Variants in SLC16A7 observed in about 807,000 individuals in gnomAD.
SLC16A7 encodes the protein monocarboxylate transporter 2.
SLC16A7 carries 33 observed loss-of-function variants against 34.9 expected under a neutral mutation model. That is an observed-to-expected ratio of 0.94 (90% CI 0.72 to 1.26). The LOEUF is 1.26. Ranked by LOEUF, SLC16A7 falls within the 50% of genes most tolerant of loss-of-function variation. The pLI, the probability that SLC16A7 is intolerant of heterozygous loss-of-function variation, is 0.00. For synonymous variants in SLC16A7, 201 were observed against 206.6 expected (o/e 0.97, Z 0.23); for missense variants, 573 against 578.1 (o/e 0.99, Z 0.09).
At position 59,700,538 on chromosome 12, in the gene SLC16A7, CTT is replaced by C. The variant is rs113917744; in HGVS notation, c.-30-4232_-30-4231del. Among the ~76,000 whole-genome samples, 308 of 149,006 alleles carry C rather than the reference CTT, an allele frequency of 2.1e-3. 2 individuals are homozygous for C. Among genetic ancestry groups the C allele is most frequent in the South Asian group, 0.013 (62 of 4,746 alleles). ...AATTATTAAGAATTTAATTTTGACT[CTT>C]TGATCTATATATATTTTAGGTAATG... On this transcript the variant is annotated intron_variant, in intron 2 of 5. Transcript: ENST00000547379.
chr12:59,648,124 C>G (rs1868280212), intron 1 of SLC16A7, among the ~76,000 whole-genome samples: 1 of 152,016 alleles, frequency 6.6e-6, no homozygotes, highest in Non-Finnish European at 1.5e-5. Flanking sequence ...ATTTAGGGAA[C>G]TTAAGGTTAA....
At chr12:59,679,447 G>C (rs1331631706) in intron 2 of SLC16A7, among the ~76,000 whole-genome samples, 2 of 152,114 alleles carry the variant, frequency 1.3e-5, no homozygotes, top group African/African-American at 4.8e-5. Context: ...CACCCTACCT[G>C]AACTTATCCC....
chr12:59,734,234 C>T (rs998785021), intron 3 of SLC16A7: 1 of 179,484 alleles, frequency 5.6e-6, no homozygotes, highest in Non-Finnish European at 1.2e-5. Flanking sequence ...AGCTCCCCTG[C>T]CCCAGCCTCC....
chr12:59,660,139 C>T (rs1435723250), intron 2 of SLC16A7, among the ~76,000 whole-genome samples: 2 of 151,564 alleles, frequency 1.3e-5, no homozygotes, highest in African/African-American at 2.4e-5. Context: ...TAAAAAGAAT[C>T]CTTTAGATTT....
At chr12:59,727,207 A>G (rs1432188404) in intron 3 of SLC16A7, among the ~76,000 whole-genome samples, 1 of 150,502 alleles carries the variant, frequency 6.6e-6, no homozygotes, top group Non-Finnish European at 1.5e-5. Flanking sequence ...GTAAAACTAC[A>G]TATTCAGATA....
In SLC16A7 at chr12:59,779,442, T is replaced by G. The variant is rs1228372902; in HGVS notation, c.1200T>G (p.Thr400=). The part of the protein sequence containing the change: ...PPLAGKLVDL[T]GEYKYMYMSC... ...TTCTAGGTAAATTGGTGGATTTAAC[T>G]GGAGAATATAAATACATGTACATGT... The change falls in exon 6 of 6, where the codon ACT becomes ACG. Residue 400 remains threonine, a synonymous_variant. Coordinates refer to ENST00000547379, the MANE Select transcript of SLC16A7 (RefSeq NM_001270623.2). 1.3e-6 allele frequency: 2 copies of G among 1,597,156 alleles called. No individual in the cohort carries two copies. Among genetic ancestry groups the G allele is most frequent in the Non-Finnish European group, 1.7e-6 (2 of 1,170,466 alleles).
At chr12:59,634,908 G>A (rs901754197) in intron 1 of SLC16A7, among the ~76,000 whole-genome samples, 3 of 152,002 alleles carry the variant, frequency 2.0e-5, no homozygotes, top group Non-Finnish European at 4.4e-5. Flanking sequence ...GGATGGAAGG[G>A]TAGAATGCAA....
At chr12:59,628,688 G>A (rs778470337) in intron 1 of SLC16A7, among the ~76,000 whole-genome samples, 54 of 151,676 alleles carry the variant, frequency 3.6e-4, no homozygotes, top group African/African-American at 1.1e-3. Flanking sequence ...GTGTGTGTGC[G>A]CGTATTTTGT....
In SLC16A7 at chr12:59,656,418, C is replaced by T. The variant is rs545642530; in HGVS notation, c.-31+1168C>T. Among the ~76,000 whole-genome samples the T allele has an allele frequency of 5.9e-5, 9 of 152,006 alleles. No homozygotes were observed. In the East Asian group the frequency reaches 9.7e-4, roughly 16 times the overall value. On this transcript the variant is annotated intron_variant, in intron 2 of 5. Coordinates refer to ENST00000547379, the MANE Select transcript of SLC16A7 (RefSeq NM_001270623.2). ...GAGAGAAGGCAGCAGGAAAGATGCT[C>T]AGTCCAACCTTGACAGTTTGTTGAT...
At chr12:59,692,520 A>C (rs936749712) in intron 2 of SLC16A7, among the ~76,000 whole-genome samples, 2 of 151,958 alleles carry the variant, frequency 1.3e-5, no homozygotes, top group Admixed American at 6.6e-5. Context: ...TTTGAAGCAT[A>C]ATTTTTCTGA....
chr12:59,654,515 A>G (rs1868434492), intron 1 of SLC16A7, among the ~76,000 whole-genome samples: 1 of 151,896 alleles, frequency 6.6e-6, no homozygotes, highest in Non-Finnish European at 1.5e-5. Context: ...AGAACATACA[A>G]GAACTGATGA....
intron 1 of SLC16A7, among the ~76,000 whole-genome samples, chr12:59,634,220 C>T (rs1880316634): frequency 6.6e-6 from 1 of 152,002 alleles, no homozygotes; most frequent in Non-Finnish European, 1.5e-5. Flanking sequence ...GTGGTAGCAG[C>T]ATGCACACTG....
chr12:59,598,107 A>AG (rs1193156182), intron 1 of SLC16A7, among the ~76,000 whole-genome samples: 5 of 152,238 alleles, frequency 3.3e-5, no homozygotes, highest in African/African-American at 1.2e-4. Context: ...CTGAAATAAA[A>AG]GGCATCTCCA....
chr12:59,695,254 AATAG>A (rs1193017094), intron 2 of SLC16A7, among the ~76,000 whole-genome samples: 1 of 151,946 alleles, frequency 6.6e-6, no homozygotes, highest in Non-Finnish European at 1.5e-5. Context: ...TGCCAGAGGA[AATAG>A]ATAGAAAATA....
At chr12:59,653,121 C>T (rs1427902867) in intron 1 of SLC16A7, among the ~76,000 whole-genome samples, 1 of 151,700 alleles carries the variant, frequency 6.6e-6, no homozygotes, top group African/African-American at 2.4e-5. Flanking sequence ...CTCTTTAAGA[C>T]AAATGAAACT....
intron 5 of SLC16A7, among the ~76,000 whole-genome samples, chr12:59,776,997 G>A (rs1882823132): frequency 6.6e-6 from 1 of 152,006 alleles, no homozygotes; most frequent in African/African-American, 2.4e-5. Context: ...AATTCTTAGT[G>A]TAAACAGAGA....
chr12:59,660,997 A>G (rs1806893666), intron 2 of SLC16A7, among the ~76,000 whole-genome samples: 1 of 152,134 alleles, frequency 6.6e-6, no homozygotes. Context: ...CTATTCTACT[A>G]TAATTGGCAA....
rs191234880 is a variant in SLC16A7 at position 59,611,838 on chromosome 12, C to T, written c.-130+15602C>T. Among the ~76,000 whole-genome samples the T allele has an allele frequency of 6.8e-4, 103 of 152,334 alleles. 1 individual carries two copies. The highest frequency in any genetic ancestry group is 2.4e-3 in the African/African-American group (101 of 41,568). ...TAACCTTAAAGTTCCAAAATGATTT[C>T]CTTTGACTCCATGTCTCACATAGAG... On this transcript the variant is annotated intron_variant, in intron 1 of 5. Coordinates refer to ENST00000547379, the MANE Select transcript of SLC16A7 (RefSeq NM_001270623.2).
chr12:59,657,374 T>C (rs1285263239), intron 2 of SLC16A7, among the ~76,000 whole-genome samples: 1 of 152,024 alleles, frequency 6.6e-6, no homozygotes, highest in Non-Finnish European at 1.5e-5. Flanking sequence ...CTTATTGTTC[T>C]GTCTTAGCTG....
Sources: allele counts gnomAD v4.1 joint callset (sites outside exome capture counted in the v4.1 genomes callset), GRCh38; gene constraint gnomAD v4.1.1; transcripts MANE v1.5; gene names NCBI Gene and HGNC (gene_info 2026-07-23, HGNC 2026-07-21).